Variants in CAPZB observed in about 807,000 individuals in gnomAD.
CAPZB encodes the protein F-actin-capping protein subunit beta.
In CAPZB, 2 loss-of-function variants were observed where a neutral mutation model predicts 38.1. That is an observed-to-expected ratio of 0.05 (90% confidence interval 0.02 to 0.17). The LOEUF is 0.17. Among genes scored for constraint, CAPZB ranks in the 10% least tolerant of loss-of-function variants. CAPZB has a pLI of 1.00. For missense variants in CAPZB, 161 were observed against 334.2 expected, an observed-to-expected ratio of 0.48 and a Z score of 4.04; for synonymous variants, 107 against 127.4, an observed-to-expected ratio of 0.84 and a Z score of 1.08.
intron 1 of CAPZB, among the ~76,000 whole-genome samples, chr1:19,479,693 T>C (rs2094620621): frequency 6.6e-6 from 1 of 152,090 alleles, no homozygotes; most frequent in Non-Finnish European, 1.5e-5. Context: ...TCCCATCTCT[T>C]TCACCTCCCA....
intron 1 of CAPZB, among the ~76,000 whole-genome samples, chr1:19,476,704 C>T (rs1022278866): frequency 2.0e-5 from 3 of 152,234 alleles, no homozygotes; most frequent in Admixed American, 1.3e-4. Context: ...AAGACTATCT[C>T]GCCCTTTCAG....
At chr1:19,365,595 C>T (rs1334438339) in intron 4 of CAPZB, among the ~76,000 whole-genome samples, 2 of 152,104 alleles carry the variant, frequency 1.3e-5, no homozygotes, top group African/African-American at 4.8e-5. Context: ...TTTAGGGAGG[C>T]CGAGACGGGC....
chr1:19,451,089 CTGAT>C (rs1191688968), intron 1 of CAPZB, among the ~76,000 whole-genome samples: 2 of 152,218 alleles, frequency 1.3e-5, no homozygotes, highest in Non-Finnish European at 2.9e-5. Context: ...GCAGGGCAAA[CTGAT>C]ATGCGCCAAA....
chr1:19,476,256 C>T (rs957632905), intron 1 of CAPZB, among the ~76,000 whole-genome samples: 22 of 152,006 alleles, frequency 1.4e-4, no homozygotes, highest in Admixed American at 1.4e-3. Flanking sequence ...TGGCACATGC[C>T]TGTTATCCCA....
chr1:19,375,083 T>C (rs1383449204), intron 4 of CAPZB, among the ~76,000 whole-genome samples: 1 of 152,130 alleles, frequency 6.6e-6, no homozygotes, highest in Non-Finnish European at 1.5e-5. Context: ...GGGCCTGCTG[T>C]GGTCACTTAT....
chr1:19,354,454 T>C (rs2094009284), intron 6 of CAPZB, among the ~76,000 whole-genome samples: 1 of 152,200 alleles, frequency 6.6e-6, no homozygotes, highest in Non-Finnish European at 1.5e-5. Flanking sequence ...GTTACTTACA[T>C]TGGAACCCAG....
intron 1 of CAPZB, among the ~76,000 whole-genome samples, chr1:19,466,942 C>G (rs2094571036): frequency 1.3e-5 from 2 of 152,190 alleles, no homozygotes; most frequent in African/African-American, 4.8e-5. Flanking sequence ...TGTTCTGTCA[C>G]CCAGGCTGGA....
chr1:19,392,925 T>C (rs2094244972), intron 2 of CAPZB, among the ~76,000 whole-genome samples: 1 of 152,234 alleles, frequency 6.6e-6, no homozygotes, highest in Non-Finnish European at 1.5e-5. Context: ...CCTAGGGAGA[T>C]GGCCTCCAGG....
intron 2 of CAPZB, among the ~76,000 whole-genome samples, chr1:19,404,061 C>T (rs1160894611): frequency 1.3e-4 from 19 of 151,608 alleles, no homozygotes; most frequent in Non-Finnish European, 2.4e-4. Flanking sequence ...GGTGAAATCT[C>T]GTCTCTACTA....
chr1:19,387,562 T>A (rs966361688), intron 2 of CAPZB, among the ~76,000 whole-genome samples: 1 of 152,240 alleles, frequency 6.6e-6, no homozygotes, highest in African/African-American at 2.4e-5. Context: ...TTGGCTTATC[T>A]GTTGGGCCTC....
At position 19,418,098 on chromosome 1, in the gene CAPZB, T is replaced by C. The variant is rs547235181; in HGVS notation, c.93+1563A>G. 3.5e-5 allele frequency among the ~76,000 whole-genome samples: 4 copies of C among 114,510 alleles called. No individual in the cohort carries two copies. In the Admixed American group the frequency reaches 5.4e-4, roughly 16 times the overall value. 75.1% of individuals were successfully genotyped at this position (114,510 alleles called of 152,430 possible). On this transcript the variant is annotated intron_variant, in intron 2 of 8. Transcript: ENST00000264202. Reference sequence around the variant, plus strand: ...TTGCAGAGAACCAAGATCACCCCACTGCACTACAGCCCGGGTGACAGAATG... The same window carrying C: ...TTGCAGAGAACCAAGATCACCCCACCGCACTACAGCCCGGGTGACAGAATG...
chr1:19,434,417 A>C (rs1239370622), intron 1 of CAPZB, among the ~76,000 whole-genome samples: 1 of 151,696 alleles, frequency 6.6e-6, no homozygotes, highest in Non-Finnish European at 1.5e-5. Context: ...ATTCAATTAA[A>C]TAAAAAAAAA....
chr1:19,413,608 A>G (rs1262173203), intron 2 of CAPZB, among the ~76,000 whole-genome samples: 2 of 91,478 alleles, frequency 2.2e-5, no homozygotes, highest in East Asian at 6.4e-4. Flanking sequence ...TGCTGGGATT[A>G]TAAGTGTGAG....
intron 1 of CAPZB, among the ~76,000 whole-genome samples, chr1:19,457,958 T>C (rs2094538153): frequency 6.6e-6 from 1 of 152,166 alleles, no homozygotes; most frequent in African/African-American, 2.4e-5. Context: ...CAGTAAGCAA[T>C]GATGGTTGTA....
At chr1:19,352,543 G>C (rs2093997214) in intron 6 of CAPZB, among the ~76,000 whole-genome samples, 3 of 152,206 alleles carry the variant, frequency 2.0e-5, no homozygotes, top group African/African-American at 2.4e-5. Flanking sequence ...TTGGAACTTG[G>C]GGCTTGCAAC....
Position 19,458,358 on chromosome 1 carries a change from TTTGC to T in CAPZB, c.3+27074_3+27077del, listed in dbSNP as rs2094539835. 6.6e-5 allele frequency among the ~76,000 whole-genome samples: 10 copies of T among 152,212 alleles called. No homozygotes were observed. The South Asian group carries it at 1.9e-3, about 28-fold the overall frequency. On this transcript the variant is annotated intron_variant, in intron 1 of 8. Coordinates refer to ENST00000264202, the MANE Select transcript of CAPZB (RefSeq NM_004930.5). ...TCCAAGTTTTGTTTTGTTTTGTTTG[TTTGC>T]TTAATTTTGAGACGGAGTTTCACTC... is the stretch of plus-strand genomic sequence containing the variant.
intron 8 of CAPZB, among the ~76,000 whole-genome samples, chr1:19,343,404 G>A (rs1006921513): frequency 6.6e-6 from 1 of 152,242 alleles, no homozygotes; most frequent in African/African-American, 2.4e-5. Context: ...GCTGGGCTGT[G>A]AGAGCTACAC....
At chr1:19,392,253 G>A (rs954203177) in intron 2 of CAPZB, among the ~76,000 whole-genome samples, 1 of 151,900 alleles carries the variant, frequency 6.6e-6, no homozygotes, top group African/African-American at 2.4e-5. Context: ...GGGTTGCTGT[G>A]GGGGCAAGTC....
Position 19,357,160 on chromosome 1 carries a change from T to G in CAPZB, c.471+262A>C, listed in dbSNP as rs1166131203. Among the ~76,000 whole-genome samples, 2 of 152,204 alleles carry G rather than the reference T, an allele frequency of 1.3e-5. No individual in the cohort carries two copies. The highest frequency in any genetic ancestry group is 6.5e-5 in the Admixed American group (1 of 15,276). On this transcript the variant is annotated intron_variant, in intron 5 of 8. Coordinates refer to ENST00000264202, the MANE Select transcript of CAPZB (RefSeq NM_004930.5). This position sits in a 1 kb window ranked among gnomAD's most constrained non-coding sequence, Gnocchi z 4.3. ...GATTACAGGCCCGAGCCACCGTACC[T>G]GGCCTCACAATATTGTCTTTCTTAA...
Sources: allele counts gnomAD v4.1 joint callset (sites outside exome capture counted in the v4.1 genomes callset), GRCh38; gene constraint gnomAD v4.1.1; non-coding constraint Gnocchi (gnomAD v3.1); transcripts MANE v1.5; gene names NCBI Gene and HGNC (gene_info 2026-07-23, HGNC 2026-07-21).